RSRC1: variants seen among roughly 807,000 people sequenced by gnomAD.
The protein encoded by RSRC1 is serine/Arginine-related protein 53.
A neutral mutation model predicts 49.1 loss-of-function variants in RSRC1; 39 were observed. The observed-to-expected ratio is 0.79, with a 90% CI of 0.61 to 1.04. The LOEUF is 1.04. RSRC1 is among the 50% of genes least tolerant of loss of function. The pLI is 0.00. For synonymous variants in RSRC1, 143 were observed against 130.8 expected, an observed-to-expected ratio of 1.09 and a Z score of -0.63; for missense variants, 388 against 402.4, an observed-to-expected ratio of 0.96 and a Z score of 0.31.
intron 3 of RSRC1, among the ~76,000 whole-genome samples, chr3:158,147,702 CCTA>C: frequency 6.6e-6 from 1 of 152,194 alleles, no homozygotes; most frequent in Non-Finnish European, 1.5e-5. Flanking sequence ...ATCCCAGTTT[CCTA>C]CTACATTATT....
intron 5 of RSRC1, among the ~76,000 whole-genome samples, chr3:158,317,483 G>C (rs1278733429): frequency 6.6e-6 from 1 of 152,120 alleles, no homozygotes; most frequent in Non-Finnish European, 1.5e-5. Flanking sequence ...ACCCGCCTTG[G>C]CCTCCCAAAG....
chr3:158,529,189 T>G (rs1222965197), intron 7 of RSRC1, among the ~76,000 whole-genome samples: 1 of 135,334 alleles, frequency 7.4e-6, no homozygotes, highest in East Asian at 2.0e-4. Flanking sequence ...ATATATATAT[T>G]TTATGTATAT....
intron 7 of RSRC1, among the ~76,000 whole-genome samples, chr3:158,500,752 T>C (rs1303424802): frequency 6.6e-6 from 1 of 152,194 alleles, no homozygotes; most frequent in Non-Finnish European, 1.5e-5. Flanking sequence ...GGATTTCCTC[T>C]CTTTTCTGGG....
At chr3:158,264,613 A>G (rs1725072384) in intron 4 of RSRC1, among the ~76,000 whole-genome samples, 1 of 152,166 alleles carries the variant, frequency 6.6e-6, no homozygotes, top group South Asian at 2.1e-4. Flanking sequence ...GAAATCTCCA[A>G]CCATTATACT....
chr3:158,196,987 C>G (rs545928457), intron 3 of RSRC1, among the ~76,000 whole-genome samples: 1 of 152,126 alleles, frequency 6.6e-6, no homozygotes, highest in East Asian at 1.9e-4. Flanking sequence ...CTCTGCCAGG[C>G]TTTGGTATCA....
At chr3:158,164,877 A>G (rs180912068) in intron 3 of RSRC1, among the ~76,000 whole-genome samples, 151 of 152,298 alleles carry the variant, frequency 9.9e-4, no homozygotes, top group African/African-American at 3.4e-3. Flanking sequence ...CAATATTTAT[A>G]AAAAAAGATA....
chr3:158,434,300 G>A (rs565182085), intron 6 of RSRC1, among the ~76,000 whole-genome samples: 7 of 151,916 alleles, frequency 4.6e-5, no homozygotes, highest in South Asian at 2.1e-4. Flanking sequence ...GTTTCAGTAA[G>A]GTAATGTCAA....
chr3:158,260,633 TG>T (rs1724838809), intron 4 of RSRC1, among the ~76,000 whole-genome samples: 1 of 152,208 alleles, frequency 6.6e-6, no homozygotes, highest in South Asian at 2.1e-4. Flanking sequence ...CATTGAGGCT[TG>T]CCCAGGAATT....
intron 7 of RSRC1, among the ~76,000 whole-genome samples, chr3:158,496,357 G>C (rs1049788309): frequency 2.1e-5 from 3 of 146,254 alleles, no homozygotes; most frequent in Admixed American, 6.7e-5. Flanking sequence ...TCTGATTCAG[G>C]GGGTCTGAGA....
chr3:158,238,843 C>T lies in RSRC1; in HGVS notation c.494+35598C>T, dbSNP rs1345355270. Reference sequence around the variant, plus strand: ...ATGACTAAAACACCAAAAGCAGTGGCAACAAAAGCGGAAATAGACAAATGG... The same window carrying T: ...ATGACTAAAACACCAAAAGCAGTGGTAACAAAAGCGGAAATAGACAAATGG... On this transcript the variant is annotated intron_variant, in intron 4 of 9. Transcript: ENST00000611884. Among the ~76,000 whole-genome samples, 4 of 152,080 alleles carry T rather than the reference C, an allele frequency of 2.6e-5. No homozygotes were observed. The East Asian group carries it at 5.8e-4, about 22-fold the overall frequency.
rs191804932 is a variant in RSRC1, at chr3:158,149,884, A to G, written c.320+25893A>G. On this transcript the variant is annotated intron_variant, in intron 3 of 9. Transcript: ENST00000611884. ...AAAGCACTCAACTGAGTGACAGCATAACCCTGTAACACAATTTTGTTTTTC... is the reference window on the plus strand; with the variant it reads ...AAAGCACTCAACTGAGTGACAGCATGACCCTGTAACACAATTTTGTTTTTC... Among the ~76,000 whole-genome samples, 17 of 151,906 alleles carry G rather than the reference A, an allele frequency of 1.1e-4. No homozygotes were observed. The East Asian group carries it at 3.3e-3, about 29-fold the overall frequency.
intron 5 of RSRC1, among the ~76,000 whole-genome samples, chr3:158,300,239 G>T (rs2108121697): frequency 6.6e-6 from 1 of 152,256 alleles, no homozygotes; most frequent in African/African-American, 2.4e-5. Context: ...GTAGTAAGAA[G>T]CAGATGATTT....
chr3:158,127,529 T>A (rs528966499), intron 3 of RSRC1, among the ~76,000 whole-genome samples: 42 of 152,190 alleles, frequency 2.8e-4, no homozygotes, highest in African/African-American at 5.3e-4. Flanking sequence ...GCTTTTTTTT[T>A]ATGTAATTTC....
chr3:158,342,081 C>T (rs547389808), intron 5 of RSRC1, among the ~76,000 whole-genome samples: 2 of 152,234 alleles, frequency 1.3e-5, no homozygotes, highest in Non-Finnish European at 1.5e-5. Context: ...AGCTTGCTTT[C>T]GATTTTACAG....
intron 7 of RSRC1, among the ~76,000 whole-genome samples, chr3:158,471,164 A>G (rs999331482): frequency 4.6e-5 from 7 of 152,170 alleles, no homozygotes; most frequent in African/African-American, 1.7e-4. Flanking sequence ...CTCTTTTTGT[A>G]CTTTCTCCTT....
chr3:158,505,049 G>A (rs7648618), intron 7 of RSRC1, among the ~76,000 whole-genome samples: 78,861 of 152,016 alleles, frequency 0.52, 20,915 homozygotes, highest in African/African-American at 0.63. Context: ...CCTTTTATCA[G>A]TGGAAATCAG....
At chr3:158,137,091 A>G (rs1366683350) in intron 3 of RSRC1, among the ~76,000 whole-genome samples, 1 of 152,172 alleles carries the variant, frequency 6.6e-6, no homozygotes, top group African/African-American at 2.4e-5. Context: ...TCAGGTCACT[A>G]TTTATTTTCA....
chr3:158,256,578 G>A (rs1458721314), intron 4 of RSRC1, among the ~76,000 whole-genome samples: 1 of 152,132 alleles, frequency 6.6e-6, no homozygotes, highest in Non-Finnish European at 1.5e-5. Flanking sequence ...GATGATGCTG[G>A]CCTCATAAAA....
intron 4 of RSRC1, among the ~76,000 whole-genome samples, chr3:158,204,904 TA>T (rs1721263216): frequency 1.3e-5 from 2 of 152,052 alleles, no homozygotes. Flanking sequence ...AGGTAAGAAA[TA>T]TGAGAGAGTG....
Sources: allele counts gnomAD v4.1 joint callset (sites outside exome capture counted in the v4.1 genomes callset), GRCh38; gene constraint gnomAD v4.1.1; transcripts MANE v1.5; gene names NCBI Gene and HGNC (gene_info 2026-07-23, HGNC 2026-07-21).